Variants in SLC14A2 observed in about 807,000 individuals in gnomAD.
SLC14A2 encodes the protein urea transporter 2.
In SLC14A2, 91 loss-of-function variants were observed where a neutral mutation model predicts 104.6. The observed-to-expected ratio is 0.87, with a 90% confidence interval of 0.73 to 1.04. SLC14A2 has a LOEUF of 1.04. SLC14A2 is among the 50% of genes least tolerant of loss of function. SLC14A2 has a pLI of 0.00. For missense variants in SLC14A2, 1,189 were observed against 1,156.0 expected (o/e 1.03, Z -0.41); for synonymous variants, 476 against 466.4 (o/e 1.02, Z -0.27).
chr18:45,655,148 C>T (rs764420461), intron 10 of SLC14A2, among the ~76,000 whole-genome samples: 1 of 152,168 alleles, frequency 6.6e-6, no homozygotes, highest in Non-Finnish European at 1.5e-5. Context: ...CCTCAGGGTC[C>T]CCCTTTTACA....
chr18:45,497,784 T>C (rs1357126366), intron 2 of SLC14A2, among the ~76,000 whole-genome samples: 1 of 152,158 alleles, frequency 6.6e-6, no homozygotes, highest in Non-Finnish European at 1.5e-5. Context: ...ACTAACTAGC[T>C]TGGCAAGCAG....
chr18:45,576,047 C>G (rs903713219), intron 2 of SLC14A2, among the ~76,000 whole-genome samples: 2 of 152,078 alleles, frequency 1.3e-5, no homozygotes, highest in Admixed American at 1.3e-4. Flanking sequence ...ATTTGGCAGT[C>G]AAAGGGAATA....
At chr18:45,664,569 G>C (rs906290222) in intron 11 of SLC14A2, among the ~76,000 whole-genome samples, 1 of 152,158 alleles carries the variant, frequency 6.6e-6, no homozygotes, top group African/African-American at 2.4e-5. Flanking sequence ...CCCAGAGAGG[G>C]GGCAGCATTG....
chr18:45,357,018 G>A (rs2085561149), intron 1 of SLC14A2, among the ~76,000 whole-genome samples: 1 of 152,156 alleles, frequency 6.6e-6, no homozygotes. Flanking sequence ...ATCTTCACTG[G>A]ATTTTGACTA....
At chr18:45,277,488 A>G (rs2084714564) in intron 1 of SLC14A2, among the ~76,000 whole-genome samples, 1 of 152,076 alleles carries the variant, frequency 6.6e-6, no homozygotes, top group East Asian at 1.9e-4. Context: ...AGCTCACTGC[A>G]TCCACCAACT....
chr18:45,323,242 C>G (rs1438270558), intron 1 of SLC14A2, among the ~76,000 whole-genome samples: 1 of 152,158 alleles, frequency 6.6e-6, no homozygotes, highest in Non-Finnish European at 1.5e-5. Context: ...CCTCAGTAAA[C>G]TGATTATTTA....
At chr18:45,474,863 G>A (rs1368138252) in intron 1 of SLC14A2, among the ~76,000 whole-genome samples, 2 of 151,748 alleles carry the variant, frequency 1.3e-5, no homozygotes, top group Admixed American at 6.6e-5. Context: ...AGGGTTTTTT[G>A]TGTCTCTATC....
chr18:45,334,671 C>T (rs1324487821), intron 1 of SLC14A2, among the ~76,000 whole-genome samples: 3 of 152,106 alleles, frequency 2.0e-5, no homozygotes, highest in African/African-American at 7.2e-5. Flanking sequence ...TTCTTTTATC[C>T]ATAAAATAGG....
chr18:45,474,845 T>C (rs1598878926), intron 1 of SLC14A2, among the ~76,000 whole-genome samples: 1 of 152,172 alleles, frequency 6.6e-6, no homozygotes, highest in Non-Finnish European at 1.5e-5. Flanking sequence ...GATTCATTAA[T>C]TTTTTGAAGG....
In SLC14A2 at chr18:45,317,606, T is replaced by C. The variant is rs191226075; in HGVS notation, c.-125+104415T>C. 1.2e-3 allele frequency among the ~76,000 whole-genome samples: 181 copies of C among 151,886 alleles called. 4 individuals carry two copies. Among genetic ancestry groups the C allele is most frequent in the Non-Finnish European group, 1.2e-3 (82 of 67,938 alleles). On this transcript the variant is annotated intron_variant, in intron 1 of 20. Transcript: ENST00000586448. The stretch of plus-strand genomic sequence containing the variant: ...TAAGAGCTGGCAAAATATAAGGAGG[T>C]TGTAATATGGGGAGGGATGATTTCC...
chr18:45,304,200 G>A (rs888933983), intron 1 of SLC14A2, among the ~76,000 whole-genome samples: 6 of 152,154 alleles, frequency 3.9e-5, no homozygotes, highest in African/African-American at 1.2e-4. Context: ...AAAGGCAACC[G>A]GGAGTATGCA....
chr18:45,278,161 TG>T (rs1183307371), intron 1 of SLC14A2, among the ~76,000 whole-genome samples: 2 of 152,200 alleles, frequency 1.3e-5, no homozygotes, highest in African/African-American at 4.8e-5. Flanking sequence ...TCACAGCCCT[TG>T]AGATGAATCA....
intron 2 of SLC14A2, among the ~76,000 whole-genome samples, chr18:45,607,791 G>C (rs1484730946): frequency 6.6e-6 from 1 of 152,176 alleles, no homozygotes; most frequent in Non-Finnish European, 1.5e-5. Context: ...TCACCTGAAG[G>C]CTTGACTGGG....
rs148885541 is a variant in SLC14A2, at chr18:45,461,134, C to T, written c.-124-22099C>T. Among the ~76,000 whole-genome samples, 501 of 152,286 alleles carry T rather than the reference C, an allele frequency of 3.3e-3. 3 individuals carry two copies. The highest frequency in any genetic ancestry group is 0.011 in the African/African-American group (462 of 41,550). On this transcript the variant is annotated intron_variant, in intron 1 of 20. Coordinates refer to the SLC14A2 transcript ENST00000586448. ...CCAATTTGCCCCTATTTTCTATTTT[C>T]TACTCCACCTTTCCCATGTCCTTCA...
chr18:45,190,748 C>T, the SLC14A2 span, among the ~76,000 whole-genome samples: 1 of 152,166 alleles, frequency 6.6e-6, no homozygotes, highest in Admixed American at 6.5e-5. Context: ...CACTTTTGTC[C>T]AAAGGGATAT....
chr18:45,489,528 C>T (rs1165635558), intron 2 of SLC14A2, among the ~76,000 whole-genome samples: 2 of 152,064 alleles, frequency 1.3e-5, no homozygotes, highest in African/African-American at 4.8e-5. Context: ...AAAACAAAAA[C>T]ACAATACTAC....
At chr18:45,563,828 A>G (rs1357414022) in intron 2 of SLC14A2, among the ~76,000 whole-genome samples, 1 of 152,246 alleles carries the variant, frequency 6.6e-6, no homozygotes, top group African/African-American at 2.4e-5. Flanking sequence ...GGTTTCTTTC[A>G]GTCTCACAAT....
chr18:45,277,160 A>G (rs2084711230), intron 1 of SLC14A2, among the ~76,000 whole-genome samples: 4 of 152,192 alleles, frequency 2.6e-5, no homozygotes, highest in Non-Finnish European at 1.5e-5. Flanking sequence ...GAAATAAATA[A>G]CCTACATATA....
At chr18:45,226,240 C>G (rs1373412858) in intron 1 of SLC14A2, among the ~76,000 whole-genome samples, 2 of 152,304 alleles carry the variant, frequency 1.3e-5, no homozygotes, top group African/African-American at 4.8e-5. Flanking sequence ...ACTAGTTCAA[C>G]TGCTGTGGAA....
Sources: gnomAD v4.1 joint callset for allele counts (sites outside exome capture counted in the v4.1 genomes callset) on GRCh38, gnomAD v4.1.1 for gene constraint, MANE v1.5 for transcripts, NCBI Gene and HGNC (gene_info 2026-07-23, HGNC 2026-07-21) for gene names.